MSI2: variants seen among roughly 807,000 people sequenced by gnomAD.
MSI2 encodes the protein musashi RNA binding protein 2.
Under a neutral mutation model 45.6 loss-of-function variants are expected in MSI2, and 17 were observed. The ratio of observed to expected loss-of-function variants is 0.37; its 90% CI spans 0.26 to 0.56. The LOEUF (loss-of-function observed/expected upper bound fraction) is 0.56, where lower values mean the gene tolerates loss of function less well. MSI2 is among the 20% of genes least tolerant of loss of function. The pLI is 0.77. For synonymous variants in MSI2, 156 were observed against 158.2 expected, an observed-to-expected ratio of 0.99 and a Z score of 0.11; for missense variants, 293 against 444.2, an observed-to-expected ratio of 0.66 and a Z score of 3.06.
Position 57,675,143 on chromosome 17 carries a change from C to T in MSI2, c.945+17C>T. On this transcript the variant is annotated intron_variant, in intron 12 of 13. Coordinates refer to ENST00000284073, the MANE Select transcript of MSI2 (RefSeq NM_138962.4). ...GGCATAGCTGTAAGTACCTGCCTTC[C>T]CCTGCCCTCCTGCCTCCTCCTTCCT... 6.2e-7 allele frequency: 1 copy of T among 1,605,740 alleles called. No individual in the cohort carries two copies. Among genetic ancestry groups the T allele is most frequent in the Non-Finnish European group, 8.5e-7 (1 of 1,175,496 alleles).
intron 6 of MSI2, among the ~76,000 whole-genome samples, chr17:57,455,285 C>T (rs142598843): frequency 1.3e-5 from 2 of 152,256 alleles, no homozygotes; most frequent in Non-Finnish European, 2.9e-5. Flanking sequence ...GCAGTGAAGC[C>T]CCTGCCCCCC....
intron 9 of MSI2, among the ~76,000 whole-genome samples, chr17:57,623,590 T>C (rs1908511845): frequency 6.6e-6 from 1 of 152,212 alleles, no homozygotes. Context: ...GCCTTGATTT[T>C]TTTTTACTTT....
At chr17:57,610,755 C>CCTAGGTGTCCAGGGG (rs1259870529) in intron 8 of MSI2, among the ~76,000 whole-genome samples, 1 of 93,768 alleles carries the variant, frequency 1.1e-5, no homozygotes, top group East Asian at 2.7e-4. Flanking sequence ...ATGCTGCTGC[C>CCTAGGTGTCCAGGGG]CTAGGTGTCC....
In MSI2 at chr17:57,529,887, CAA is replaced by C. The variant is rs1021053988; in HGVS notation, c.454+165_454+166del. On this transcript the variant is annotated intron_variant, in intron 7 of 13. Transcript: ENST00000284073. The surrounding 1 kb of genome is among the most constrained non-coding windows in gnomAD (Gnocchi z 5.3). ...TTATTCACGGAGAGTCCCAGTAGCA[CAA>C]AGAGTTCCAGTACTGGATAGCTGAA... 1.3e-5 allele frequency among the ~76,000 whole-genome samples: 2 copies of C among 152,160 alleles called. No individual in the cohort carries two copies. The highest frequency in any genetic ancestry group is 4.8e-5 in the African/African-American group (2 of 41,454).
At chr17:57,275,338 A>T (rs867442250) in intron 5 of MSI2, among the ~76,000 whole-genome samples, 29 of 152,340 alleles carry the variant, frequency 1.9e-4, no homozygotes, top group African/African-American at 6.7e-4. Context: ...CTTCAGAGAC[A>T]TGAAAGAGCC....
At chr17:57,699,276 GGAGA>G in the MSI2 span, among the ~76,000 whole-genome samples, 3 of 135,804 alleles carry the variant, frequency 2.2e-5, no homozygotes, top group African/African-American at 5.8e-5. Flanking sequence ...GAAGAGCCAG[GGAGA>G]GAGAGAGAGA....
chr17:57,532,828 T>A (rs1310771627), intron 7 of MSI2, among the ~76,000 whole-genome samples: 1 of 152,220 alleles, frequency 6.6e-6, no homozygotes, highest in South Asian at 2.1e-4. Flanking sequence ...CCCAGAGGTG[T>A]TGTCACAGCA....
intron 10 of MSI2, among the ~76,000 whole-genome samples, chr17:57,649,901 A>G (rs926575500): frequency 3.3e-5 from 5 of 152,170 alleles, no homozygotes; most frequent in Non-Finnish European, 7.4e-5. Flanking sequence ...GCACAGAGGC[A>G]GTGGGGTGGC....
At chr17:57,694,662 T>C in the MSI2 span, among the ~76,000 whole-genome samples, 1 of 152,198 alleles carries the variant, frequency 6.6e-6, no homozygotes, top group Non-Finnish European at 1.5e-5. Context: ...ATGTTCATGC[T>C]AAACCTATCA....
At chr17:57,335,489 A>G (rs1269735204) in intron 5 of MSI2, among the ~76,000 whole-genome samples, 1 of 152,218 alleles carries the variant, frequency 6.6e-6, no homozygotes, top group Non-Finnish European at 1.5e-5. Context: ...AGCAGAGTCA[A>G]GTAGTTTTGA....
At chr17:57,591,474 A>C (rs978669721) in intron 7 of MSI2, among the ~76,000 whole-genome samples, 1 of 152,090 alleles carries the variant, frequency 6.6e-6, no homozygotes, top group African/African-American at 2.4e-5. Context: ...TGTAATCCCA[A>C]CACTTTGGGA....
chr17:57,684,058 A>G lies in MSI2; in HGVS notation c.*4541A>G, dbSNP rs913867989. 1.3e-5 allele frequency: 3 copies of G among 225,264 alleles called. No individual in the cohort carries two copies. The highest frequency in any genetic ancestry group is 6.7e-5 in the African/African-American group (3 of 44,756). The allele number at this position is 225,264 out of a possible 1,614,324, so 14.0% of individuals were successfully genotyped here. ...AAACACCTGGCTATCAAATAATCAG[A>G]ATGTATTGTCTCAGACAGGATTTCA... On this transcript the variant is annotated 3_prime_UTR_variant, in exon 14 of 14. Coordinates refer to ENST00000284073, the MANE Select transcript of MSI2 (RefSeq NM_138962.4).
intron 7 of MSI2, among the ~76,000 whole-genome samples, chr17:57,553,531 C>T (rs368023357): frequency 3.9e-5 from 6 of 152,180 alleles, no homozygotes; most frequent in East Asian, 1.9e-4. Flanking sequence ...TTTGAAAAAC[C>T]TTCCAAGACA....
chr17:57,463,773 CT>C (rs1273572637), intron 6 of MSI2, among the ~76,000 whole-genome samples: 1 of 151,784 alleles, frequency 6.6e-6, no homozygotes, highest in Admixed American at 6.6e-5. Flanking sequence ...AGCACTCCCC[CT>C]CTCTAAATAG....
intron 7 of MSI2, among the ~76,000 whole-genome samples, chr17:57,587,098 T>A (rs1904356864): frequency 1.3e-5 from 2 of 152,098 alleles, no homozygotes; most frequent in African/African-American, 4.8e-5. Context: ...TCTGCATTTT[T>A]GACAAGCCCT....
chr17:57,358,781 G>A (rs968842065), intron 5 of MSI2, among the ~76,000 whole-genome samples: 12 of 152,162 alleles, frequency 7.9e-5, no homozygotes, highest in African/African-American at 2.7e-4. Context: ...AGAAGTGTCT[G>A]TACCTAAAGT....
At chr17:57,375,920 G>A (rs79156888) in intron 5 of MSI2, among the ~76,000 whole-genome samples, 114 of 152,270 alleles carry the variant, frequency 7.5e-4, no homozygotes, top group African/African-American at 2.6e-3. Flanking sequence ...CACTCTGACC[G>A]CCCAGGAGCA....
intron 5 of MSI2, among the ~76,000 whole-genome samples, chr17:57,401,110 A>G (rs975616396): frequency 6.6e-6 from 1 of 152,138 alleles, no homozygotes; most frequent in Non-Finnish European, 1.5e-5. Flanking sequence ...AGTCCATCAG[A>G]ATGAAGTTGC....
At chr17:57,649,257 T>TA (rs1441401610) in intron 10 of MSI2, among the ~76,000 whole-genome samples, 1 of 150,702 alleles carries the variant, frequency 6.6e-6, no homozygotes, top group Non-Finnish European at 1.5e-5. Context: ...CACATCCACA[T>TA]ACACCCAACA....
Sources: allele counts gnomAD v4.1 joint callset (sites outside exome capture counted in the v4.1 genomes callset), GRCh38; gene constraint gnomAD v4.1.1; non-coding constraint Gnocchi (gnomAD v3.1); transcripts MANE v1.5; gene names NCBI Gene and HGNC (gene_info 2026-07-23, HGNC 2026-07-21).